The following SYN3 variants were observed in gnomAD, a reference collection of about 807,000 sequenced individuals.
SYN3 encodes synapsin III.
SYN3 carries 35 observed loss-of-function variants against 65.8 expected under a neutral mutation model. That is an observed-to-expected ratio of 0.53 (90% CI 0.41 to 0.70). The LOEUF (loss-of-function observed/expected upper bound fraction) is 0.70, where lower values mean the gene tolerates loss of function less well. SYN3 is among the 30% of genes least tolerant of loss of function. The probability of loss-of-function intolerance (pLI) is 0.00; values close to 1 mark genes in which losing one functional copy is unlikely to be tolerated. For missense variants in SYN3, 680 were observed against 749.0 expected (o/e 0.91, Z 1.08); for synonymous variants, 270 against 292.9 (o/e 0.92, Z 0.80).
intron 7 of SYN3, among the ~76,000 whole-genome samples, chr22:32,556,816 T>TGC (rs2058507518): frequency 8.2e-6 from 1 of 122,114 alleles, no homozygotes; most frequent in South Asian, 2.8e-4. Flanking sequence ...TTTTTTTTTT[T>TGC]TTTTTTTTTT....
chr22:33,055,423 G>A (rs1158982805), intron 1 of SYN3, among the ~76,000 whole-genome samples: 3 of 152,216 alleles, frequency 2.0e-5, no homozygotes, highest in South Asian at 4.2e-4. Context: ...TGGCGTTGCC[G>A]GATCTTTCTC....
chr22:33,008,693 C>G (rs1219241366), intron 1 of SYN3, among the ~76,000 whole-genome samples: 1 of 152,050 alleles, frequency 6.6e-6, no homozygotes, highest in Non-Finnish European at 1.5e-5. Flanking sequence ...GTGGGCAGAT[C>G]ACTTGAAGCC....
At chr22:33,053,306 C>T (rs886911243) in intron 1 of SYN3, among the ~76,000 whole-genome samples, 1 of 152,048 alleles carries the variant, frequency 6.6e-6, no homozygotes, top group Admixed American at 6.6e-5. Flanking sequence ...GCCTATAATT[C>T]CAGCTACTCC....
In SYN3 at chr22:32,541,610, A is replaced by G. The variant is rs1405664662; in HGVS notation, c.878T>C (p.Ile293Thr). 6.2e-7 allele frequency: 1 copy of G among 1,613,948 alleles called. No homozygotes were observed. The highest frequency in any genetic ancestry group is 8.5e-7 in the Non-Finnish European group (1 of 1,179,998). Residue 293 changes from isoleucine to threonine, a missense_variant, in exon 8 of 14, where the codon ATC becomes ACC. Transcript: ENST00000358763. ...TEAFIDSKYDIRIQKIGSNYK... is the reference protein window; with the variant it reads ...TEAFIDSKYDTRIQKIGSNYK... ...GTTGGATCCAATTTTCTGGATGCGG[A>G]TGTCGTACTTGGAGTCGATGAAGGC...
intron 7 of SYN3, among the ~76,000 whole-genome samples, chr22:32,573,969 G>T (rs1421848950): frequency 6.6e-6 from 1 of 150,720 alleles, no homozygotes; most frequent in Non-Finnish European, 1.5e-5. Context: ...GTAGAGACGG[G>T]GTTTCACTAT....
chr22:32,596,670 A>G lies in SYN3; in HGVS notation c.774+4T>C. 3.1e-6 allele frequency: 5 copies of G among 1,613,710 alleles called. No individual in the cohort carries two copies. The highest frequency in any genetic ancestry group is 4.2e-6 in the Non-Finnish European group (5 of 1,179,718). On this transcript the variant is annotated splice_donor_region_variant and intron_variant, in intron 7 of 13. Transcript: ENST00000358763. ...ACTGTGAGTGGAAGGGCTGTTTCTC[A>G]TACCTTTCCCATTCCAGCGTGGGCA...
chr22:32,830,668 G>A (rs867340272), intron 6 of SYN3, among the ~76,000 whole-genome samples: 4 of 151,552 alleles, frequency 2.6e-5, no homozygotes, highest in African/African-American at 9.7e-5. Context: ...CCACCCCCCC[G>A]CCCCCGCAAT....
chr22:32,548,233 C>T (rs187289163), intron 7 of SYN3, among the ~76,000 whole-genome samples: 37 of 152,214 alleles, frequency 2.4e-4, no homozygotes, highest in South Asian at 2.1e-4. Context: ...CTTGCTGTTC[C>T]GAGCCTGCAT....
intron 6 of SYN3, among the ~76,000 whole-genome samples, chr22:32,617,638 A>G (rs181178014): frequency 6.6e-6 from 1 of 152,218 alleles, no homozygotes; most frequent in South Asian, 2.1e-4. Flanking sequence ...CTCGTAAACT[A>G]TTCTGAGAAG....
At chr22:32,641,215 C>T (rs1601820147) in intron 6 of SYN3, among the ~76,000 whole-genome samples, 1 of 152,180 alleles carries the variant, frequency 6.6e-6, no homozygotes, top group East Asian at 1.9e-4. Flanking sequence ...GTGATCTGAA[C>T]CGTGGAGCTC....
chr22:32,929,375 A>G (rs1244374628), intron 4 of SYN3, among the ~76,000 whole-genome samples: 4 of 152,160 alleles, frequency 2.6e-5, no homozygotes, highest in Middle Eastern at 6.8e-3. Context: ...TCAATTTGAT[A>G]TGTATAGTTT....
At chr22:33,005,485 G>C (rs1569398121) in intron 2 of SYN3, among the ~76,000 whole-genome samples, 1 of 152,224 alleles carries the variant, frequency 6.6e-6, no homozygotes, top group Non-Finnish European at 1.5e-5. Flanking sequence ...GCAGGAGCCT[G>C]TTCCCTACTA....
intron 6 of SYN3, among the ~76,000 whole-genome samples, chr22:32,628,647 C>G (rs1014891709): frequency 2.6e-5 from 4 of 152,088 alleles, no homozygotes; most frequent in Non-Finnish European, 5.9e-5. Context: ...ACTCCGGAGG[C>G]TGAGGCAGGA....
chr22:32,852,271 G>A (rs1259703012), intron 6 of SYN3, among the ~76,000 whole-genome samples: 1 of 152,196 alleles, frequency 6.6e-6, no homozygotes, highest in East Asian at 1.9e-4. Context: ...ACAGTATGGA[G>A]CAGCAGGCTG....
chr22:32,905,236 T>C (rs1340084703), intron 4 of SYN3, among the ~76,000 whole-genome samples: 1 of 152,214 alleles, frequency 6.6e-6, no homozygotes, highest in African/African-American at 2.4e-5. Context: ...GAAACTGGAA[T>C]TGCCCACCTT....
chr22:32,718,856 C>T (rs1348984645), intron 6 of SYN3, among the ~76,000 whole-genome samples: 1 of 152,194 alleles, frequency 6.6e-6, no homozygotes, highest in Admixed American at 6.5e-5. Context: ...CGGCACCCAG[C>T]GTTCCTTTTA....
intron 12 of SYN3, among the ~76,000 whole-genome samples, chr22:32,520,690 G>C (rs1157070243): frequency 2.6e-5 from 4 of 152,194 alleles, no homozygotes; most frequent in Non-Finnish European, 5.9e-5. Context: ...GCAAGGACTA[G>C]ATTTCAGCCA....
chr22:32,874,836 A>ACACT (rs1228884747), intron 4 of SYN3, among the ~76,000 whole-genome samples: 2 of 152,176 alleles, frequency 1.3e-5, no homozygotes, highest in East Asian at 3.9e-4. Flanking sequence ...AATTGTCTCC[A>ACACT]CACTCTTCAT....
At chr22:32,930,350 A>G (rs1463490280) in intron 4 of SYN3, among the ~76,000 whole-genome samples, 1 of 152,194 alleles carries the variant, frequency 6.6e-6, no homozygotes, top group Non-Finnish European at 1.5e-5. Flanking sequence ...CTTGTCTGCC[A>G]TCAGGTAAGA....
Sources: gnomAD v4.1 joint callset for allele counts (sites outside exome capture counted in the v4.1 genomes callset) on GRCh38, gnomAD v4.1.1 for gene constraint, MANE v1.5 for transcripts, NCBI Gene and HGNC (gene_info 2026-07-23, HGNC 2026-07-21) for gene names.